The following TRAF3 variants were observed in gnomAD, a reference collection of about 807,000 sequenced individuals.
TRAF3 encodes the protein TNF receptor-associated factor 3.
In TRAF3, 13 loss-of-function variants were observed where a neutral mutation model predicts 62.3. The observed-to-expected ratio is 0.21, with a 90% confidence interval of 0.14 to 0.33. The LOEUF (loss-of-function observed/expected upper bound fraction) is 0.33. Among genes scored for constraint, TRAF3 ranks in the 10% least tolerant of loss-of-function variants. The pLI, the probability that TRAF3 is intolerant of heterozygous loss-of-function variation, is 1.00. For synonymous variants in TRAF3, 269 were observed against 283.4 expected, an observed-to-expected ratio of 0.95 and a Z score of 0.51; for missense variants, 440 against 741.8, an observed-to-expected ratio of 0.59 and a Z score of 4.73.
chr14:102,846,223 TACC>T, intron 2 of TRAF3, among the ~76,000 whole-genome samples: 1 of 152,124 alleles, frequency 6.6e-6, no homozygotes, highest in African/African-American at 2.4e-5. Flanking sequence ...GAGATAGCTG[TACC>T]AGAAAAATCT....
At chr14:102,842,484 G>A (rs533335086) in intron 2 of TRAF3, among the ~76,000 whole-genome samples, 2 of 152,140 alleles carry the variant, frequency 1.3e-5, no homozygotes, top group African/African-American at 4.8e-5. Context: ...CAGAGCATCA[G>A]CAGCCTGTGG....
At chr14:102,844,672 C>A (rs933358212) in intron 2 of TRAF3, among the ~76,000 whole-genome samples, 9 of 152,252 alleles carry the variant, frequency 5.9e-5, no homozygotes, top group Middle Eastern at 3.4e-3. Flanking sequence ...AAAATTAAAT[C>A]TCCATTGCAG....
rs1315436211 is a variant in TRAF3 at position 102,826,920 on chromosome 14, C to T, written c.-156-3414C>T. 6.6e-6 allele frequency among the ~76,000 whole-genome samples: 1 copy of T among 152,152 alleles called. No individual in the cohort carries two copies. Among genetic ancestry groups the T allele is most frequent in the Non-Finnish European group, 1.5e-5 (1 of 68,014 alleles). On this transcript the variant is annotated intron_variant, in intron 1 of 11. Transcript: ENST00000392745. This position sits in a 1 kb window ranked among gnomAD's most constrained non-coding sequence, Gnocchi z 4.6. ...GGTGCCTCCCCGTGGTCACCATGTG[C>T]CTTGGGCAAATGGAGGCCTCAGGTC... is the stretch of plus-strand genomic sequence containing the variant.
chr14:102,862,493 G>A (rs1822853939), intron 2 of TRAF3, among the ~76,000 whole-genome samples: 1 of 151,626 alleles, frequency 6.6e-6, no homozygotes, highest in South Asian at 2.1e-4. Context: ...CTTTAGATGA[G>A]AAATCAGTTG....
intron 1 of TRAF3, chr14:102,809,194 G>C (rs1566748151): frequency 6.6e-6 from 1 of 152,272 alleles, no homozygotes; most frequent in Non-Finnish European, 1.5e-5. Flanking sequence ...CACTGTGTTA[G>C]CCAGGATGGT....
intron 8 of TRAF3, among the ~76,000 whole-genome samples, chr14:102,890,803 G>C (rs571686282): frequency 1.3e-5 from 2 of 152,270 alleles, no homozygotes; most frequent in Non-Finnish European, 1.5e-5. Context: ...ATGGTGAAGA[G>C]CAATACATCT....
chr14:102,837,802 T>C (rs1002777630), intron 2 of TRAF3, among the ~76,000 whole-genome samples: 2 of 152,244 alleles, frequency 1.3e-5, no homozygotes, highest in African/African-American at 4.8e-5. Context: ...AAAAATACTA[T>C]GGTCAAATTG....
chr14:102,814,046 TATTTAGGTCTTTGATTC>T (rs1239547485), intron 1 of TRAF3, among the ~76,000 whole-genome samples: 18 of 152,206 alleles, frequency 1.2e-4, no homozygotes, highest in Non-Finnish European at 1.9e-4. Context: ...TTGGGTCTTA[TATTTAGGTCTTTGATTC>T]ATTTTTAGTT....
chr14:102,818,346 A>G (rs1313087053), intron 1 of TRAF3, among the ~76,000 whole-genome samples: 2 of 152,130 alleles, frequency 1.3e-5, no homozygotes, highest in African/African-American at 2.4e-5. Flanking sequence ...TCCCACCCCC[A>G]TTAAAGTTCT....
chr14:102,875,898 A>G (rs1025992621), intron 5 of TRAF3, among the ~76,000 whole-genome samples, 170 bp downstream of exon 5: 35 of 152,160 alleles, frequency 2.3e-4, no homozygotes, highest in African/African-American at 8.4e-4. Flanking sequence ...ATAAGTTGTT[A>G]TTTTTATGAC....
intron 1 of TRAF3, among the ~76,000 whole-genome samples, chr14:102,788,011 C>T (rs1280649714): frequency 6.6e-6 from 1 of 151,802 alleles, no homozygotes; most frequent in Admixed American, 6.6e-5. Flanking sequence ...ACCACCCCAC[C>T]TGGCTAATTT....
chr14:102,787,957 T>C (rs1300248075), intron 1 of TRAF3, among the ~76,000 whole-genome samples: 3 of 151,352 alleles, frequency 2.0e-5, no homozygotes, highest in Admixed American at 6.6e-5. Flanking sequence ...GTTCAAGCCA[T>C]TCTCATGCCT....
chr14:102,862,292 G>T (rs1357073427), intron 2 of TRAF3, among the ~76,000 whole-genome samples: 1 of 151,628 alleles, frequency 6.6e-6, no homozygotes, highest in Non-Finnish European at 1.5e-5. Context: ...CCAGCTCCCA[G>T]AGAGACTGAG....
chr14:102,856,429 G>C (rs1217802434), intron 2 of TRAF3, among the ~76,000 whole-genome samples: 1 of 152,172 alleles, frequency 6.6e-6, no homozygotes, highest in Non-Finnish European at 1.5e-5. Context: ...AAACTGTCAT[G>C]GTGCTGGTGG....
chr14:102,806,502 C>G (rs1266226229), intron 1 of TRAF3, among the ~76,000 whole-genome samples: 2 of 152,182 alleles, frequency 1.3e-5, no homozygotes, highest in Non-Finnish European at 2.9e-5. Flanking sequence ...CTGTGGTTCC[C>G]AAGTTCCCCA....
At chr14:102,780,713 T>C (rs924775295) in intron 1 of TRAF3, among the ~76,000 whole-genome samples, 1 of 152,164 alleles carries the variant, frequency 6.6e-6, no homozygotes, top group East Asian at 1.9e-4. Context: ...GGAGTCTTTT[T>C]CTCATTTAAT....
chr14:102,848,888 G>C (rs1944139727), intron 2 of TRAF3, among the ~76,000 whole-genome samples: 3 of 152,174 alleles, frequency 2.0e-5, no homozygotes, highest in African/African-American at 7.2e-5. Context: ...AGGTACTTCA[G>C]AGGTGCGTGA....
At chr14:102,796,110 G>C (rs1345218894) in intron 1 of TRAF3, among the ~76,000 whole-genome samples, 1 of 152,202 alleles carries the variant, frequency 6.6e-6, no homozygotes, top group African/African-American at 2.4e-5. Context: ...CCAGCTACTT[G>C]GGAGGCTGAG....
intron 1 of TRAF3, among the ~76,000 whole-genome samples, chr14:102,777,990 C>T (rs1419155578): frequency 1.3e-5 from 2 of 150,526 alleles, no homozygotes; most frequent in African/African-American, 4.9e-5. Context: ...GCGCAGGCCT[C>T]GCTACGGCCG....
Sources: gnomAD v4.1 joint callset for allele counts (sites outside exome capture counted in the v4.1 genomes callset) on GRCh38, gnomAD v4.1.1 for gene constraint, Gnocchi (gnomAD v3.1) non-coding constraint, MANE v1.5 for transcripts, NCBI Gene and HGNC (gene_info 2026-07-23, HGNC 2026-07-21) for gene names.